Variants in PRRX1 observed in about 807,000 individuals in gnomAD.
The protein encoded by PRRX1 is paired related homeobox 1.
A neutral mutation model predicts 24.0 loss-of-function variants in PRRX1; 8 were observed. The observed-to-expected ratio is 0.33, with a 90% CI of 0.20 to 0.60. PRRX1 has a LOEUF of 0.60. Ranked by LOEUF, PRRX1 falls within the 20% of genes least tolerant of loss-of-function variation. The pLI, the probability that PRRX1 is intolerant of heterozygous loss-of-function variation, is 0.82. For missense variants in PRRX1, 281 were observed against 322.4 expected, an observed-to-expected ratio of 0.87 and a Z score of 0.98; for synonymous variants, 160 against 131.7, an observed-to-expected ratio of 1.22 and a Z score of -1.47.
At chr1:170,665,342 G>T (rs1454413991) in intron 1 of PRRX1, among the ~76,000 whole-genome samples, 1 of 152,158 alleles carries the variant, frequency 6.6e-6, no homozygotes, top group South Asian at 2.1e-4. Context: ...TGAAAATCTC[G>T]CTTCGCTAGT....
intron 3 of PRRX1, 84 bp from the exon 4 acceptor site, chr1:170,735,964 G>A (rs1655587269): frequency 6.4e-7 from 1 of 1,568,496 alleles, no homozygotes; most frequent in Non-Finnish European, 8.8e-7. Context: ...CCCATGCTGA[G>A]AGTACATCCA....
At chr1:170,666,187 G>C (rs1652921304) in intron 1 of PRRX1, among the ~76,000 whole-genome samples, 1 of 152,096 alleles carries the variant, frequency 6.6e-6, no homozygotes. Context: ...TTGGGAGGCC[G>C]AGGCGGGCAG....
intron 1 of PRRX1, among the ~76,000 whole-genome samples, chr1:170,680,036 C>T (rs1311164034): frequency 6.6e-6 from 1 of 152,110 alleles, no homozygotes; most frequent in Non-Finnish European, 1.5e-5. Flanking sequence ...TCAACATAAC[C>T]TATCCAAATG....
At chr1:170,725,927 A>G (rs1447447657) in intron 2 of PRRX1, among the ~76,000 whole-genome samples, 1 of 152,198 alleles carries the variant, frequency 6.6e-6, no homozygotes, top group Non-Finnish European at 1.5e-5. Flanking sequence ...AACAGGGATT[A>G]TAACCCATAT....
At chr1:170,680,180 T>C (rs539783104) in intron 1 of PRRX1, among the ~76,000 whole-genome samples, 1 of 152,200 alleles carries the variant, frequency 6.6e-6, no homozygotes, top group Non-Finnish European at 1.5e-5. Flanking sequence ...TATCAGGCTT[T>C]TTTTTTCTAA....
chr1:170,737,485 G>A lies in PRRX1; in HGVS notation c.*1299G>A, dbSNP rs1655654946. 1 of 203,792 alleles carries A rather than the reference G, an allele frequency of 4.9e-6. No homozygotes were observed. The allele number at this position is 203,792 out of a possible 1,614,324, so 12.6% of individuals were successfully genotyped here. The stretch of plus-strand genomic sequence containing the variant: ...ATACATCTGATCTATCATGGGAATT[G>A]CAGTTAGAGAGAGTAAGGAATACCA... On this transcript the variant is annotated 3_prime_UTR_variant, in exon 4 of 4. Coordinates refer to ENST00000239461, the MANE Select transcript of PRRX1 (RefSeq NM_022716.4).
At chr1:170,671,791 C>A (rs1038639385) in intron 1 of PRRX1, among the ~76,000 whole-genome samples, 10 of 152,056 alleles carry the variant, frequency 6.6e-5, no homozygotes, top group African/African-American at 2.2e-4. Context: ...GCCAGATGAC[C>A]GTGGATGGAA....
At chr1:170,681,225 G>T (rs1215221008) in intron 1 of PRRX1, among the ~76,000 whole-genome samples, 1 of 152,178 alleles carries the variant, frequency 6.6e-6, no homozygotes, top group Non-Finnish European at 1.5e-5. Context: ...TACCAATAGG[G>T]CTTTGAGACT....
At chr1:170,726,599 A>T (rs1465485458) in intron 3 of PRRX1, 198 bp downstream of exon 3, 1 of 613,800 alleles carries the variant, frequency 1.6e-6, no homozygotes, top group Non-Finnish European at 2.8e-6. Context: ...CAGAAGTGAG[A>T]GGGGCAGGCT....
At chr1:170,673,517 T>C (rs1217894485) in intron 1 of PRRX1, among the ~76,000 whole-genome samples, 1 of 152,204 alleles carries the variant, frequency 6.6e-6, no homozygotes, top group Non-Finnish European at 1.5e-5. Context: ...AGTTATCTTC[T>C]AGGCCCACCA....
intron 1 of PRRX1, among the ~76,000 whole-genome samples, chr1:170,680,708 A>G (rs936199395): frequency 1.3e-5 from 2 of 152,222 alleles, no homozygotes; most frequent in African/African-American, 4.8e-5. Flanking sequence ...AGATGCTGGC[A>G]TTGGTTATGA....
Position 170,702,500 on chromosome 1 carries a change from G to A in PRRX1, c.242-17226G>A, listed in dbSNP as rs191879167. On this transcript the variant is annotated intron_variant, in intron 1 of 3. Coordinates refer to ENST00000239461, the MANE Select transcript of PRRX1 (RefSeq NM_022716.4). ...GAGTTGGCAGTGCTGTACAATGGGT[G>A]TGTGTGCAGGCAAAGCAGATCCATA... Among the ~76,000 whole-genome samples the A allele has an allele frequency of 3.9e-5, 6 of 152,308 alleles. No homozygotes were observed. The East Asian group carries it at 7.7e-4, about 20-fold the overall frequency.
At chr1:170,730,603 T>G (rs1476447931) in intron 3 of PRRX1, 2 of 422,770 alleles carry the variant, frequency 4.7e-6, no homozygotes, top group Non-Finnish European at 8.6e-6. Context: ...CTGTGCAAAC[T>G]CTGATTCACT....
intron 1 of PRRX1, among the ~76,000 whole-genome samples, chr1:170,691,672 T>A (rs931365751): frequency 3.9e-5 from 6 of 152,002 alleles, no homozygotes; most frequent in African/African-American, 1.4e-4. Context: ...CTCTTCTCTC[T>A]TTCTTTCTTT....
intron 1 of PRRX1, among the ~76,000 whole-genome samples, chr1:170,674,582 A>G (rs565848469): frequency 8.5e-5 from 13 of 152,272 alleles, no homozygotes; most frequent in African/African-American, 2.9e-4. Context: ...TTTTATGATT[A>G]TCTAGATTTT....
rs1176551020 is a variant in PRRX1, at chr1:170,736,138, G to T, written c.690G>T (p.Lys230Asn). The T allele has an allele frequency of 1.2e-6, 2 of 1,614,138 alleles. No homozygotes were observed. The highest frequency in any genetic ancestry group is 1.7e-6 in the Non-Finnish European group (2 of 1,180,004). ...ACAGCATTGCCAACCTGAGACTGAA[G>T]GCCAAGGAATATAGTTTACAGAGGA... The part of the protein sequence containing the change: ...MANSIANLRL[K>N]AKEYSLQRNQ... Residue 230 changes from lysine to asparagine, a missense_variant, in exon 4 of 4, where the codon AAG becomes AAT. By Grantham distance (94) the Lys-to-Asn change is moderately conservative. Coordinates refer to ENST00000239461, the MANE Select transcript of PRRX1 (RefSeq NM_022716.4).
intron 1 of PRRX1, among the ~76,000 whole-genome samples, chr1:170,683,061 G>C (rs1653608295): frequency 1.3e-5 from 2 of 152,172 alleles, no homozygotes; most frequent in African/African-American, 4.8e-5. Flanking sequence ...TAGGTGACAG[G>C]GACTTGTAGG....
chr1:170,705,120 T>C (rs74545461), intron 1 of PRRX1, among the ~76,000 whole-genome samples: 7,021 of 148,278 alleles, frequency 0.047, 232 homozygotes, highest in Middle Eastern at 0.12. Flanking sequence ...ACCCCATTCT[T>C]TTTTTTTGTC....
chr1:170,671,500 G>A (rs1653145180), intron 1 of PRRX1, among the ~76,000 whole-genome samples: 1 of 152,248 alleles, frequency 6.6e-6, no homozygotes. Context: ...CTCGCCAGAC[G>A]CTTTCCTCCT....
Sources: allele counts gnomAD v4.1 joint callset (sites outside exome capture counted in the v4.1 genomes callset), GRCh38; gene constraint gnomAD v4.1.1; transcripts MANE v1.5; gene names NCBI Gene and HGNC (gene_info 2026-07-23, HGNC 2026-07-21).